MICAL2: variants seen among roughly 807,000 people sequenced by gnomAD.
MICAL2 encodes the protein [F-actin]-monooxygenase MICAL2.
MICAL2 carries 77 observed loss-of-function variants against 127.3 expected under a neutral mutation model. The observed-to-expected ratio is 0.60, with a 90% CI of 0.50 to 0.73. MICAL2 has a LOEUF of 0.73. MICAL2 is among the 30% of genes least tolerant of loss of function. The probability of loss-of-function intolerance (pLI) is 0.00; values close to 1 mark genes in which losing one functional copy is unlikely to be tolerated. For synonymous variants in MICAL2, 570 were observed against 551.1 expected (o/e 1.03, Z -0.48); for missense variants, 1,351 against 1,434.4 (o/e 0.94, Z 0.94).
At chr11:12,297,751 A>G (rs1864002937) in intron 29 of MICAL2, among the ~76,000 whole-genome samples, 3 of 151,924 alleles carry the variant, frequency 2.0e-5, no homozygotes, top group Admixed American at 2.0e-4. Flanking sequence ...TGGCTATCCT[A>G]AAAAATCAGT....
At position 12,241,083 on chromosome 11, in the gene MICAL2, C is replaced by G. The variant is rs766018212; in HGVS notation, c.2258C>G (p.Ser753Cys). ...ATAGGTAAGCCGGTCCTGTGCTCTT[C>G]CTCCGGCCCTCCTGTTCACTCTTGC... ...SGIGKPVLCS[S>C]SGPPVHSCCP... The change falls in exon 18 of 28, where the codon TCC becomes TGC. Residue 753 changes from serine (S) to cysteine (C), a missense_variant. This residue lies in a region of MICAL2 where 752 missense variants were observed against 719.4 expected (regional missense o/e 1.05). Transcript: ENST00000683283. 1 of 1,614,198 alleles carries G rather than the reference C, an allele frequency of 6.2e-7. No homozygotes were observed. Among genetic ancestry groups the G allele is most frequent in the South Asian group, 1.1e-5 (1 of 91,074 alleles).
At position 12,110,851 on chromosome 11, in the gene MICAL2, A is replaced by G. The variant is rs1359985813; in HGVS notation, c.-149+125A>G. 1.3e-5 allele frequency: 2 copies of G among 152,154 alleles called. No individual in the cohort carries two copies. The highest frequency in any genetic ancestry group is 4.8e-5 in the African/African-American group (2 of 41,422). The allele number at this position is 152,154 out of a possible 1,614,324, so 9.4% of individuals were successfully genotyped here. A position where few individuals can be genotyped will look rare whatever the true frequency, so the allele number is the denominator to read the frequency against. On this transcript the variant is annotated intron_variant, in intron 1 of 27. Transcript: ENST00000683283. The surrounding 1 kb of genome is among the most constrained non-coding windows in gnomAD (Gnocchi z 4.5). ...CGGGAGGGTCAGGTGCGGCCGCAGC[A>G]TCCCCCGCCTCAAACCCACCCGGCG...
At position 12,124,030 on chromosome 11, in the gene MICAL2, G is replaced by A. The variant is rs141993883; in HGVS notation, c.-149+13304G>A. On this transcript the variant is annotated intron_variant, in intron 1 of 27. Transcript: ENST00000683283. The stretch of plus-strand genomic sequence containing the variant: ...CATCACAGACGTTACTGCTGACTAG[G>A]TCTTTTTAACATGTGCTGTTGCTAA... Among the ~76,000 whole-genome samples the A allele has an allele frequency of 2.3e-3, 350 of 152,268 alleles. 3 individuals are homozygous for A. Among genetic ancestry groups the A allele is most frequent in the African/African-American group, 7.7e-3 (321 of 41,542 alleles).
chr11:12,114,444 A>C (rs1849837535), intron 1 of MICAL2, among the ~76,000 whole-genome samples: 1 of 152,210 alleles, frequency 6.6e-6, no homozygotes, highest in Non-Finnish European at 1.5e-5. Context: ...GGTATGCCGC[A>C]TTAGGCCGTT....
At chr11:12,116,266 CTG>C (rs1850017233) in intron 1 of MICAL2, among the ~76,000 whole-genome samples, 2 of 151,528 alleles carry the variant, frequency 1.3e-5, no homozygotes, top group African/African-American at 2.4e-5. Flanking sequence ...GCGTGAGCCA[CTG>C]CGCCTGGCCC....
intron 32 of MICAL2, among the ~76,000 whole-genome samples, chr11:12,338,396 G>A (rs911480899): frequency 1.3e-5 from 2 of 152,162 alleles, no homozygotes; most frequent in African/African-American, 4.8e-5. Context: ...GATGGGTCTT[G>A]ACTCTTTATC....
At chr11:12,206,820 C>T (rs1000714166) in intron 4 of MICAL2, among the ~76,000 whole-genome samples, 1 of 152,148 alleles carries the variant, frequency 6.6e-6, no homozygotes, top group Non-Finnish European at 1.5e-5. Flanking sequence ...CAGCTTATGC[C>T]TCCTTTCCAA....
At chr11:12,217,815 C>T (rs1856377540) in intron 8 of MICAL2, among the ~76,000 whole-genome samples, 1 of 152,096 alleles carries the variant, frequency 6.6e-6, no homozygotes, top group African/African-American at 2.4e-5. Context: ...GGGAGCAGCT[C>T]CTGAGCTGGT....
rs1488466157 is a variant in MICAL2 at position 12,226,274 on chromosome 11, G to A, written c.1792G>A (p.Glu598Lys). ...FGIPPVTTGK[E>K]MASAQEPDKL... ...GATCCCTCCAGTGACCACGGGCAAA[G>A]AGATGGCATCTGCCCAGGAGCCTGA... The change falls in exon 14 of 28, where the codon GAG (glutamate) becomes AAG (lysine). Residue 598 changes from glutamate (E) to lysine (K), a missense_variant. By Grantham distance (56) the Glu-to-Lys change is moderately conservative. Around this residue, in one of 2 missense-constraint regions of MICAL2, gnomAD observed 752 missense variants for 719.4 expected, o/e 1.05. Coordinates refer to ENST00000683283, the MANE Select transcript of MICAL2 (RefSeq NM_001282663.2). 6.2e-7 allele frequency: 1 copy of A among 1,614,268 alleles called. No homozygotes were observed. The highest frequency in any genetic ancestry group is 2.2e-5 in the East Asian group (1 of 44,890).
At chr11:12,244,746 A>G (rs1004434229) in intron 21 of MICAL2, among the ~76,000 whole-genome samples, 1 of 152,314 alleles carries the variant, frequency 6.6e-6, no homozygotes, top group Admixed American at 6.5e-5. Flanking sequence ...GTGCAAAGGC[A>G]GGCAGGCAGG....
chr11:12,163,025 G>C (rs1000502059), intron 3 of MICAL2, among the ~76,000 whole-genome samples: 8 of 152,138 alleles, frequency 5.3e-5, no homozygotes, highest in Admixed American at 3.9e-4. Flanking sequence ...CTTCCTCCCT[G>C]TCTCTTTCTC....
chr11:12,272,672 C>A (rs1166080754), upstream of MICAL2, among the ~76,000 whole-genome samples: 2 of 152,200 alleles, frequency 1.3e-5, no homozygotes, highest in South Asian at 4.1e-4. Context: ...TGTGGGTTGA[C>A]TGAGTAGCTC....
intron 15 of MICAL2, among the ~76,000 whole-genome samples, chr11:12,229,808 G>T (rs1219348427): frequency 1.3e-5 from 2 of 152,192 alleles, no homozygotes; most frequent in South Asian, 2.1e-4. Flanking sequence ...CCCAATTCTG[G>T]CCCCTTTTGA....
At chr11:12,254,250 T>C (rs1158629862) in intron 22 of MICAL2, 1 of 152,226 alleles carries the variant, frequency 6.6e-6, no homozygotes. Flanking sequence ...TGCCAGGCAA[T>C]AGGACACACA....
chr11:12,150,021 C>T (rs189386463), intron 2 of MICAL2, among the ~76,000 whole-genome samples: 16 of 152,194 alleles, frequency 1.1e-4, no homozygotes, highest in African/African-American at 3.9e-4. Context: ...TGGTTTGATG[C>T]ACCGGGTGGC....
At chr11:12,242,973 T>A in intron 20 of MICAL2, 2 of 457,006 alleles carry the variant, frequency 4.4e-6, no homozygotes, top group Non-Finnish European at 3.8e-6. Context: ...AATAAATACA[T>A]CATGAGAAAG....
At chr11:12,338,342 G>A (rs1016939335) in intron 32 of MICAL2, among the ~76,000 whole-genome samples, 16 of 152,160 alleles carry the variant, frequency 1.1e-4, no homozygotes, top group African/African-American at 3.6e-4. Context: ...TTGAGCCTAT[G>A]TGTGTCTCTG....
intron 1 of MICAL2, among the ~76,000 whole-genome samples, chr11:12,122,565 C>T (rs995763826): frequency 6.6e-6 from 1 of 152,138 alleles, no homozygotes; most frequent in Non-Finnish European, 1.5e-5. Context: ...TGTGTCACCA[C>T]GCCTGGCTAA....
intron 27 of MICAL2, chr11:12,263,090 A>G (rs1863349507): frequency 6.5e-6 from 1 of 153,442 alleles, no homozygotes; most frequent in African/African-American, 2.4e-5. Flanking sequence ...GGTTGAACAC[A>G]TAATCACAAA....
Sources: allele counts gnomAD v4.1 joint callset (sites outside exome capture counted in the v4.1 genomes callset), GRCh38; gene constraint gnomAD v4.1.1; regional missense constraint gnomAD v4.1.1; non-coding constraint Gnocchi (gnomAD v3.1); transcripts MANE v1.5; gene names NCBI Gene and HGNC (gene_info 2026-07-23, HGNC 2026-07-21).